The following PPP2R2B variants were observed in gnomAD, a reference collection of about 807,000 sequenced individuals.
PPP2R2B encodes the protein protein phosphatase 2 regulatory subunit Bbeta, also known as serine/threonine-protein phosphatase 2A 55 kDa regulatory subunit B beta isoform.
Under a neutral mutation model 46.0 loss-of-function variants are expected in PPP2R2B, and 5 were observed. The ratio of observed to expected loss-of-function variants is 0.11; its 90% CI spans 0.06 to 0.23. The LOEUF (loss-of-function observed/expected upper bound fraction) is 0.23. Ranked by LOEUF, PPP2R2B falls within the 10% of genes least tolerant of loss-of-function variation. PPP2R2B has a pLI of 1.00. For missense variants in PPP2R2B, 367 were observed against 575.0 expected (o/e 0.64, Z 3.70); for synonymous variants, 215 against 206.7 (o/e 1.04, Z -0.34).
chr5:146,835,413 C>T (rs188616825), intron 2 of PPP2R2B, among the ~76,000 whole-genome samples: 1 of 152,272 alleles, frequency 6.6e-6, no homozygotes, highest in East Asian at 1.9e-4. Flanking sequence ...GAGCCCACTT[C>T]AGCAGGTCAG....
intron 2 of PPP2R2B, among the ~76,000 whole-genome samples, chr5:147,062,888 GTT>G (rs1213287522): frequency 4.7e-5 from 7 of 147,690 alleles, no homozygotes; most frequent in African/African-American, 7.5e-5. Flanking sequence ...TGTGTTGAAA[GTT>G]TGCTATTCCT....
At chr5:146,725,786 T>C (rs1359487840) in intron 2 of PPP2R2B, among the ~76,000 whole-genome samples, 1 of 152,236 alleles carries the variant, frequency 6.6e-6, no homozygotes, top group Non-Finnish European at 1.5e-5. Flanking sequence ...TTTCCTGACA[T>C]AGAATTTATC....
chr5:146,836,087 T>C (rs1166987720), intron 2 of PPP2R2B, among the ~76,000 whole-genome samples: 3 of 152,218 alleles, frequency 2.0e-5, no homozygotes, highest in Admixed American at 1.3e-4. Flanking sequence ...CAATAAATAT[T>C]ACTTTATCTT....
intron 1 of PPP2R2B, among the ~76,000 whole-genome samples, chr5:147,004,252 C>T (rs748151104): frequency 8.2e-5 from 12 of 145,742 alleles, no homozygotes; most frequent in East Asian, 6.1e-4. Flanking sequence ...TCTGCTATGC[C>T]GAGGCAATCA....
intron 5 of PPP2R2B, among the ~76,000 whole-genome samples, chr5:146,673,426 T>C (rs1188734939): frequency 6.6e-6 from 1 of 152,160 alleles, no homozygotes; most frequent in African/African-American, 2.4e-5. Flanking sequence ...GGAGAAAATA[T>C]CAACAGAACT....
At chr5:146,872,891 T>G (rs1339821753) in intron 2 of PPP2R2B, among the ~76,000 whole-genome samples, 2 of 152,222 alleles carry the variant, frequency 1.3e-5, no homozygotes, top group East Asian at 3.8e-4. Context: ...ACTCATTGGT[T>G]CAAATTTTGC....
chr5:146,897,758 T>C (rs1278431084), intron 1 of PPP2R2B, among the ~76,000 whole-genome samples: 3 of 151,090 alleles, frequency 2.0e-5, no homozygotes, highest in Non-Finnish European at 4.4e-5. Context: ...AGAATAAACC[T>C]ACAATTCAAG....
chr5:146,726,475 C>A (rs137991723), intron 2 of PPP2R2B, among the ~76,000 whole-genome samples: 2 of 152,124 alleles, frequency 1.3e-5, no homozygotes, highest in Admixed American at 1.3e-4. Context: ...CAATAGTGAC[C>A]ATATTTATTG....
At chr5:146,719,184 G>T (rs1780652799) in intron 2 of PPP2R2B, among the ~76,000 whole-genome samples, 1 of 152,128 alleles carries the variant, frequency 6.6e-6, no homozygotes, top group Admixed American at 6.5e-5. Context: ...CAAATCTTGG[G>T]TTTATTATTT....
chr5:146,832,651 A>C (rs2151354098), intron 2 of PPP2R2B, among the ~76,000 whole-genome samples: 1 of 152,108 alleles, frequency 6.6e-6, no homozygotes, highest in East Asian at 1.9e-4. Flanking sequence ...TCGGCCTCCC[A>C]AAATGCTGGG....
intron 1 of PPP2R2B, among the ~76,000 whole-genome samples, chr5:146,933,927 C>A (rs192762347): frequency 2.7e-5 from 4 of 149,610 alleles, no homozygotes; most frequent in Non-Finnish European, 4.4e-5. Flanking sequence ...TGAGAACATG[C>A]GGTGTTTGGT....
At chr5:146,683,688 C>T (rs1393114935) in intron 5 of PPP2R2B, among the ~76,000 whole-genome samples, 1 of 152,054 alleles carries the variant, frequency 6.6e-6, no homozygotes, top group Non-Finnish European at 1.5e-5. Flanking sequence ...AGAAACATCC[C>T]AAACTCTCAT....
chr5:146,717,153 T>C (rs973620259), intron 2 of PPP2R2B, among the ~76,000 whole-genome samples: 8 of 152,252 alleles, frequency 5.3e-5, no homozygotes, highest in Non-Finnish European at 8.8e-5. Flanking sequence ...TGTTCATTGC[T>C]ATAGGCTTAT....
In PPP2R2B at chr5:146,932,290, G is replaced by C. The variant is rs1341712525; in HGVS notation, c.79+123375C>G. Reference sequence around the variant, plus strand: ...TGAAAGGATAATTTGAATTACCAAAGATATTAAATTGATATGGTTTGGCTG... The same window carrying C: ...TGAAAGGATAATTTGAATTACCAAACATATTAAATTGATATGGTTTGGCTG... On this transcript the variant is annotated intron_variant, in intron 1 of 8. Coordinates refer to the PPP2R2B transcript ENST00000336640. Among the ~76,000 whole-genome samples, 24 of 152,124 alleles carry C rather than the reference G, an allele frequency of 1.6e-4. 2 individuals are homozygous for C. Among genetic ancestry groups the C allele is most frequent in the Admixed American group, 1.6e-3 (24 of 15,252 alleles).
intron 1 of PPP2R2B, among the ~76,000 whole-genome samples, chr5:146,955,774 C>T (rs1447831703): frequency 2.6e-4 from 30 of 115,656 alleles, no homozygotes; most frequent in African/African-American, 7.9e-4. Context: ...CTTTCTATTA[C>T]TTTTTTTTTT....
At chr5:146,892,197 C>G (rs1365149396) in intron 1 of PPP2R2B, among the ~76,000 whole-genome samples, 4 of 152,148 alleles carry the variant, frequency 2.6e-5, no homozygotes, top group Non-Finnish European at 5.9e-5. Flanking sequence ...TAAAAAGAGT[C>G]CCAGACTTAG....
chr5:146,791,892 T>G (rs1013457811), intron 2 of PPP2R2B, among the ~76,000 whole-genome samples: 1 of 152,208 alleles, frequency 6.6e-6, no homozygotes, highest in Non-Finnish European at 1.5e-5. Context: ...GAGGTGCTGA[T>G]TCCTCCCGCC....
intron 2 of PPP2R2B, among the ~76,000 whole-genome samples, chr5:146,829,170 T>G (rs1169697461): frequency 1.3e-5 from 2 of 152,230 alleles, no homozygotes; most frequent in Non-Finnish European, 2.9e-5. Flanking sequence ...CCACCATATT[T>G]AATGTCATTA....
chr5:146,950,551 G>T (rs1253294965), intron 1 of PPP2R2B, among the ~76,000 whole-genome samples: 2 of 152,038 alleles, frequency 1.3e-5, no homozygotes, highest in Non-Finnish European at 2.9e-5. Context: ...ACTGCTCTGA[G>T]ACAAGGCCAA....
Sources: allele counts gnomAD v4.1 joint callset (sites outside exome capture counted in the v4.1 genomes callset), GRCh38; gene constraint gnomAD v4.1.1; transcripts MANE v1.5; gene names NCBI Gene and HGNC (gene_info 2026-07-23, HGNC 2026-07-21).